The following CAMTA1 variants were observed in gnomAD, a reference collection of about 807,000 sequenced individuals.
CAMTA1 encodes calmodulin-binding transcription activator 1.
Under a neutral mutation model 170.9 loss-of-function variants are expected in CAMTA1, and 27 were observed. That is an observed-to-expected ratio of 0.16 (90% CI 0.12 to 0.22). The LOEUF (loss-of-function observed/expected upper bound fraction) is 0.22, where lower values mean the gene tolerates loss of function less well. Ranked by LOEUF, CAMTA1 falls within the 10% of genes least tolerant of loss-of-function variation. The probability of loss-of-function intolerance (pLI) is 1.00; values close to 1 mark genes in which losing one functional copy is unlikely to be tolerated. For synonymous variants in CAMTA1, 833 were observed against 891.5 expected (o/e 0.93, Z 1.17); for missense variants, 1,619 against 2,217.2 (o/e 0.73, Z 5.42).
chr1:7,755,718 A>G (rs1176509832), intron 22 of CAMTA1, 50 bp downstream of exon 22: 1 of 1,580,690 alleles, frequency 6.3e-7, no homozygotes, highest in African/African-American at 1.3e-5. Flanking sequence ...CATTTTCAGT[A>G]TTTTGCTTTT....
intron 3 of CAMTA1, among the ~76,000 whole-genome samples, chr1:6,941,925 A>G (rs1686707357): frequency 6.6e-6 from 1 of 152,224 alleles, no homozygotes; most frequent in African/African-American, 2.4e-5. Flanking sequence ...CAGCCACTGA[A>G]GAGCCTGAGA....
At chr1:7,019,602 A>G (rs564925141) in intron 3 of CAMTA1, among the ~76,000 whole-genome samples, 2 of 152,340 alleles carry the variant, frequency 1.3e-5, no homozygotes, top group Non-Finnish European at 2.9e-5. Flanking sequence ...GAAATGCTTT[A>G]GAATCGTTAG....
In CAMTA1 at chr1:7,286,544, G is replaced by C. The variant is rs1672376262; in HGVS notation, c.438+36918G>C. ...CCTCTGAGGCTGGGGAGATGTACCT[G>C]TGGCTGACGTTAATGCACAGAATCA... On this transcript the variant is annotated intron_variant, in intron 5 of 22. Transcript: ENST00000303635. The surrounding 1 kb of genome is among the most constrained non-coding windows in gnomAD (Gnocchi z 4.2). Among the ~76,000 whole-genome samples, 1 of 152,222 alleles carries C rather than the reference G, an allele frequency of 6.6e-6. No individual in the cohort carries two copies. The highest frequency in any genetic ancestry group is 2.4e-5 in the African/African-American group (1 of 41,454).
At chr1:6,939,919 C>T (rs900273619) in intron 3 of CAMTA1, among the ~76,000 whole-genome samples, 5 of 152,276 alleles carry the variant, frequency 3.3e-5, no homozygotes, top group Admixed American at 6.5e-5. Context: ...ACAGAGCAGG[C>T]ATGAGCAGAT....
At chr1:7,309,444 C>T (rs1164556776) in intron 5 of CAMTA1, among the ~76,000 whole-genome samples, 6 of 150,414 alleles carry the variant, frequency 4.0e-5, no homozygotes, top group Non-Finnish European at 7.5e-5. Flanking sequence ...GGACTACAGG[C>T]GCCCGCCACT....
rs766107867 is a variant in CAMTA1 at position 7,736,510 on chromosome 1, C to A, written c.3233C>A (p.Ala1078Asp). 6.2e-7 allele frequency: 1 copy of A among 1,614,170 alleles called. No homozygotes were observed. Among genetic ancestry groups the A allele is most frequent in the Non-Finnish European group, 8.5e-7 (1 of 1,180,016 alleles). ...LLHLAAAQGY[A>D]TLIQTLIKWR... is the part of the protein sequence containing the mutation. ...CACCTGGCCGCTGCCCAGGGCTATG[C>A]CACCCTAATCCAGACCCTCATCAAA... Residue 1078 changes from alanine to aspartate, a missense_variant, in exon 13 of 23, where the codon GCC (alanine) becomes GAC (aspartate). Ala to Asp is a moderately radical substitution (Grantham distance 126). This residue lies in a region of CAMTA1 where 60 missense variants were observed against 128.5 expected (regional missense o/e 0.47). Coordinates refer to ENST00000303635, the MANE Select transcript of CAMTA1 (RefSeq NM_015215.4). This position sits in a 1 kb window ranked among gnomAD's most constrained non-coding sequence, Gnocchi z 4.5.
intron 6 of CAMTA1, among the ~76,000 whole-genome samples, chr1:7,618,423 C>A (rs545937608): frequency 6.6e-6 from 1 of 152,194 alleles, no homozygotes; most frequent in Non-Finnish European, 1.5e-5. Flanking sequence ...GCTTTGTGTG[C>A]GGCTCCAGGC....
chr1:7,217,686 T>TA (rs1447572078), intron 4 of CAMTA1, among the ~76,000 whole-genome samples: 1 of 152,160 alleles, frequency 6.6e-6, no homozygotes, highest in Non-Finnish European at 1.5e-5. Flanking sequence ...TCATTACCTT[T>TA]AAAAATCCCT....
rs577348835 is a variant in CAMTA1, at chr1:7,027,409, C to T, written c.235-63895C>T. 2.2e-4 allele frequency among the ~76,000 whole-genome samples: 33 copies of T among 152,256 alleles called. 2 individuals carry two copies. In the South Asian group the frequency reaches 3.7e-3, roughly 17 times the overall value. On this transcript the variant is annotated intron_variant, in intron 3 of 22. Coordinates refer to ENST00000303635, the MANE Select transcript of CAMTA1 (RefSeq NM_015215.4). Reference sequence around the variant, plus strand: ...GGCCCACGAGACCTGGGGGAAGGGACAAGTTGAACCTTAGTTATATATTTC... The same window carrying T: ...GGCCCACGAGACCTGGGGGAAGGGATAAGTTGAACCTTAGTTATATATTTC...
intron 3 of CAMTA1, among the ~76,000 whole-genome samples, chr1:6,852,348 T>C (rs1660725997): frequency 6.6e-6 from 1 of 152,180 alleles, no homozygotes; most frequent in Non-Finnish European, 1.5e-5. Context: ...TCCAGTTCTC[T>C]GTGGACTCCG....
chr1:6,853,344 A>G (rs911346538), intron 3 of CAMTA1, among the ~76,000 whole-genome samples: 3 of 152,236 alleles, frequency 2.0e-5, no homozygotes, highest in African/African-American at 4.8e-5. Context: ...TGGTAAAAAT[A>G]TTAATTTACT....
intron 3 of CAMTA1, among the ~76,000 whole-genome samples, chr1:6,885,163 G>A (rs562376176): frequency 6.6e-6 from 1 of 152,286 alleles, no homozygotes; most frequent in East Asian, 1.9e-4. Context: ...CCCTCACACA[G>A]AAATCTTTAT....
intron 6 of CAMTA1, among the ~76,000 whole-genome samples, chr1:7,519,740 C>T (rs1311106481): frequency 6.6e-6 from 1 of 151,720 alleles, no homozygotes; most frequent in Non-Finnish European, 1.5e-5. Context: ...CCTTACTCCT[C>T]CTCAGGGGCT....
At chr1:7,162,822 CAT>C (rs1006355475) in intron 4 of CAMTA1, among the ~76,000 whole-genome samples, 10 of 152,134 alleles carry the variant, frequency 6.6e-5, no homozygotes, top group African/African-American at 2.4e-4. Context: ...TGGGTATAGA[CAT>C]AGGGGTGGAA....
At chr1:6,987,482 G>T (rs1326828638) in intron 3 of CAMTA1, among the ~76,000 whole-genome samples, 1 of 152,182 alleles carries the variant, frequency 6.6e-6, no homozygotes, top group East Asian at 1.9e-4. Flanking sequence ...CTTTTAAATG[G>T]TCTGGGTGGG....
At chr1:6,843,270 C>T (rs1378726904) in intron 3 of CAMTA1, among the ~76,000 whole-genome samples, 1 of 152,174 alleles carries the variant, frequency 6.6e-6, no homozygotes, top group Non-Finnish European at 1.5e-5. Flanking sequence ...CTTTCTACAG[C>T]TTAAGGTTCT....
At chr1:7,704,706 G>T (rs1278387337) in intron 11 of CAMTA1, among the ~76,000 whole-genome samples, 2 of 148,324 alleles carry the variant, frequency 1.3e-5, no homozygotes, top group Non-Finnish European at 3.0e-5. Flanking sequence ...TCCGGGCGGC[G>T]CACTCGGGCA....
chr1:6,913,400 C>T lies in CAMTA1; in HGVS notation c.234+88190C>T, dbSNP rs543658512. ...CAGATCTGCCTGCTTTTGGGGTTCCCTGGCCCTCCAGCCTTGTTGGGGTGC... is the reference window on the plus strand; with the variant it reads ...CAGATCTGCCTGCTTTTGGGGTTCCTTGGCCCTCCAGCCTTGTTGGGGTGC... On this transcript the variant is annotated intron_variant, in intron 3 of 22. Coordinates refer to ENST00000303635, the MANE Select transcript of CAMTA1 (RefSeq NM_015215.4). Among the ~76,000 whole-genome samples, 293 of 152,298 alleles carry T rather than the reference C, an allele frequency of 1.9e-3. 1 individual carries two copies. The highest frequency in any genetic ancestry group is 6.8e-3 in the African/African-American group (282 of 41,570).
At chr1:7,137,546 C>T (rs895954264) in intron 4 of CAMTA1, among the ~76,000 whole-genome samples, 1 of 152,218 alleles carries the variant, frequency 6.6e-6, no homozygotes, top group Non-Finnish European at 1.5e-5. Context: ...AGAGATTCTG[C>T]ACACTACTTT....
Sources: gnomAD v4.1 joint callset for allele counts (sites outside exome capture counted in the v4.1 genomes callset) on GRCh38, gnomAD v4.1.1 for gene constraint, gnomAD v4.1.1 regional missense constraint, Gnocchi (gnomAD v3.1) non-coding constraint, MANE v1.5 for transcripts, NCBI Gene and HGNC (gene_info 2026-07-23, HGNC 2026-07-21) for gene names.